LIMD1: variants seen among roughly 807,000 people sequenced by gnomAD.
The protein encoded by LIMD1 is LIM domain-containing protein 1.
A neutral mutation model predicts 58.4 loss-of-function variants in LIMD1; 23 were observed. The ratio of observed to expected loss-of-function variants is 0.39; its 90% confidence interval spans 0.28 to 0.56. The LOEUF (loss-of-function observed/expected upper bound fraction) is 0.56, where lower values mean the gene tolerates loss of function less well. Ranked by LOEUF, LIMD1 falls within the 20% of genes least tolerant of loss-of-function variation. The probability of loss-of-function intolerance (pLI) is 0.57; values close to 1 mark genes in which losing one functional copy is unlikely to be tolerated. For synonymous variants in LIMD1, 334 were observed against 345.5 expected, an observed-to-expected ratio of 0.97 and a Z score of 0.37; for missense variants, 838 against 855.5, an observed-to-expected ratio of 0.98 and a Z score of 0.25.
chr3:45,673,803 C>T, intron 6 of LIMD1: 1 of 407,504 alleles, frequency 2.5e-6, no homozygotes, highest in Non-Finnish European at 4.5e-6. Context: ...GTAGTCCTAG[C>T]TGCTTGAGCC....
chr3:45,658,535 C>CTTTT (rs10572210), intron 2 of LIMD1, among the ~76,000 whole-genome samples: 568 of 44,782 alleles, frequency 0.013, 89 homozygotes, highest in Non-Finnish European at 0.017. Flanking sequence ...CATGCAGATT[C>CTTTT]TTTTTTTTTT....
chr3:45,671,474 T>TG (rs1186795104), intron 4 of LIMD1, among the ~76,000 whole-genome samples: 1 of 152,250 alleles, frequency 6.6e-6, no homozygotes, highest in Non-Finnish European at 1.5e-5. Context: ...TCTTTGCAGA[T>TG]GCATGTTTTG....
intron 7 of LIMD1, among the ~76,000 whole-genome samples, chr3:45,675,356 C>A (rs1697653534): frequency 2.0e-5 from 3 of 152,204 alleles, no homozygotes; most frequent in Admixed American, 2.0e-4. Context: ...ATGGCAAAAA[C>A]CCATCTCTAC....
chr3:45,654,109 A>C (rs1336014612), intron 2 of LIMD1, among the ~76,000 whole-genome samples: 3 of 152,290 alleles, frequency 2.0e-5, no homozygotes, highest in Middle Eastern at 3.4e-3. Context: ...AATTGATTTA[A>C]ACTTACATAA....
Position 45,677,061 on chromosome 3 carries a change from C to A in LIMD1, c.*2C>A. ...GCCCTTCACCAGCACCACTTCTAGC[C>A]AGAGCCACTTGCAGACATCACGGCA... On this transcript the variant is annotated 3_prime_UTR_variant, in exon 8 of 8. Transcript: ENST00000273317. The A allele has an allele frequency of 1.2e-6, 2 of 1,613,038 alleles. No homozygotes were observed. The highest frequency in any genetic ancestry group is 1.7e-6 in the Non-Finnish European group (2 of 1,179,724).
chr3:45,672,861 C>G (rs1483684256), intron 5 of LIMD1, 41 bp downstream of exon 5: 2 of 1,608,782 alleles, frequency 1.2e-6, no homozygotes, highest in Admixed American at 3.3e-5. Context: ...TTCGTGTAGG[C>G]CAAGCTGATC....
chr3:45,677,173 G>A lies in LIMD1; in HGVS notation c.*114G>A. 1 of 1,176,200 alleles carries A rather than the reference G, an allele frequency of 8.5e-7. No homozygotes were observed. Among genetic ancestry groups the A allele is most frequent in the Middle Eastern group, 2.9e-4 (1 of 3,432 alleles). 72.9% of individuals were successfully genotyped at this position (1,176,200 alleles called of 1,614,324 possible). On this transcript the variant is annotated 3_prime_UTR_variant, in exon 8 of 8. Transcript: ENST00000273317. ...AGGGGAAGAGGAGGGGCAGGAGGGA[G>A]AGTTCCTGTGAGCATGTGGGGGGTG... is the stretch of plus-strand genomic sequence containing the variant.
Position 45,594,846 on chromosome 3 carries a change from G to GACACACACACACACACAC in LIMD1, c.-34_-33insACACACACACACACACAC, listed in dbSNP as rs778399814. ...ACACACACACACACACACACACACG[G>GACACACACACACACACAC]CACCTGGGCTAGGCCCGGACACCTG... On this transcript the variant is annotated 5_prime_UTR_variant, in exon 1 of 8. Coordinates refer to ENST00000273317, the MANE Select transcript of LIMD1 (RefSeq NM_014240.3). 9.9e-7 allele frequency: 1 copy of GACACACACACACACACAC among 1,011,864 alleles called. No individual in the cohort carries two copies. Among genetic ancestry groups the GACACACACACACACACAC allele is most frequent in the African/African-American group, 2.3e-5 (1 of 42,594 alleles). 62.7% of individuals were successfully genotyped at this position (1,011,864 alleles called of 1,614,324 possible).
At chr3:45,636,327 T>A in intron 2 of LIMD1, 76 bp downstream of exon 2, 29 of 882,966 alleles carry the variant, frequency 3.3e-5, no homozygotes, top group Non-Finnish European at 4.4e-5. Context: ...AGGAGAGAGA[T>A]CATCTTTCTG....
intron 2 of LIMD1, among the ~76,000 whole-genome samples, chr3:45,655,269 G>A (rs540894954): frequency 1.2e-4 from 19 of 152,266 alleles, no homozygotes; most frequent in Non-Finnish European, 2.2e-4. Context: ...AAAATAAAGA[G>A]CATTTTGACT....
At chr3:45,609,378 C>A (rs2125650344) in intron 1 of LIMD1, among the ~76,000 whole-genome samples, 1 of 152,328 alleles carries the variant, frequency 6.6e-6, no homozygotes, top group Middle Eastern at 3.4e-3. Context: ...ATGATGTTCT[C>A]TTCTTTTTTC....
At chr3:45,657,939 T>G (rs1475102749) in intron 2 of LIMD1, among the ~76,000 whole-genome samples, 1 of 152,226 alleles carries the variant, frequency 6.6e-6, no homozygotes, top group Non-Finnish European at 1.5e-5. Flanking sequence ...CTACGCTCAC[T>G]GAAACCTGGA....
intron 2 of LIMD1, among the ~76,000 whole-genome samples, chr3:45,661,558 G>A (rs1449387255): frequency 6.6e-6 from 1 of 152,194 alleles, no homozygotes. Context: ...TCCTGAAATA[G>A]AATTTTTGGG....
At chr3:45,668,043 G>A (rs1697541425) in intron 3 of LIMD1, among the ~76,000 whole-genome samples, 1 of 152,202 alleles carries the variant, frequency 6.6e-6, no homozygotes, top group Admixed American at 6.5e-5. Context: ...CCCTTACATA[G>A]AGCCTGGCAT....
In LIMD1 at chr3:45,681,516, T is replaced by A. The variant is rs544536410; in HGVS notation, c.*4457T>A. 2 of 152,234 alleles carry A rather than the reference T, an allele frequency of 1.3e-5. No homozygotes were observed. Among genetic ancestry groups the A allele is most frequent in the Non-Finnish European group, 2.9e-5 (2 of 68,056 alleles). The allele number at this position is 152,234 out of a possible 1,614,324, so 9.4% of individuals were successfully genotyped here. ...ATTATAGCAATAGCAGTGGCCAGATTATCAGCATTTACACTGGTTCCCTGA... is the reference window on the plus strand; with the variant it reads ...ATTATAGCAATAGCAGTGGCCAGATAATCAGCATTTACACTGGTTCCCTGA... On this transcript the variant is annotated 3_prime_UTR_variant, in exon 8 of 8. Transcript: ENST00000273317.
intron 7 of LIMD1, among the ~76,000 whole-genome samples, chr3:45,674,849 G>C (rs1399136672): frequency 2.6e-5 from 4 of 152,166 alleles, no homozygotes; most frequent in Admixed American, 2.6e-4. Context: ...TTGGAAACAG[G>C]CATGTCAGCT....
At chr3:45,666,693 G>T (rs1697524039) in intron 3 of LIMD1, among the ~76,000 whole-genome samples, 4 of 152,198 alleles carry the variant, frequency 2.6e-5, no homozygotes, top group Admixed American at 2.6e-4. Flanking sequence ...GCCCTGAGCA[G>T]TATGTCTGCT....
chr3:45,662,837 A>T (rs1697461460), intron 2 of LIMD1, among the ~76,000 whole-genome samples: 1 of 152,156 alleles, frequency 6.6e-6, no homozygotes, highest in Admixed American at 6.5e-5. Flanking sequence ...TACAAAAATT[A>T]GCCGGGTATG....
intron 2 of LIMD1, among the ~76,000 whole-genome samples, chr3:45,647,714 T>G (rs1007760372): frequency 1.3e-5 from 2 of 152,250 alleles, no homozygotes; most frequent in Non-Finnish European, 2.9e-5. Flanking sequence ...GACCTTCAGC[T>G]ACTTTTTGCC....
Sources: gnomAD v4.1 joint callset for allele counts (sites outside exome capture counted in the v4.1 genomes callset) on GRCh38, gnomAD v4.1.1 for gene constraint, MANE v1.5 for transcripts, NCBI Gene and HGNC (gene_info 2026-07-23, HGNC 2026-07-21) for gene names.